MLLT10: variants seen among roughly 807,000 people sequenced by gnomAD.
MLLT10 encodes the protein MLLT10 histone lysine methyltransferase DOT1L cofactor.
MLLT10 carries 30 observed loss-of-function variants against 129.1 expected under a neutral mutation model. The observed-to-expected ratio is 0.23, with a 90% CI of 0.17 to 0.32. The LOEUF is 0.32. Ranked by LOEUF, MLLT10 falls within the 10% of genes least tolerant of loss-of-function variation. The probability of loss-of-function intolerance (pLI) is 1.00; values close to 1 mark genes in which losing one functional copy is unlikely to be tolerated. For missense variants in MLLT10, 1,119 were observed against 1,268.3 expected (o/e 0.88, Z 1.79); for synonymous variants, 490 against 446.4 (o/e 1.10, Z -1.23).
chr10:21,741,589 A>AT (rs1833640820), intron 22 of MLLT10, among the ~76,000 whole-genome samples: 1 of 152,208 alleles, frequency 6.6e-6, no homozygotes, highest in Non-Finnish European at 1.5e-5. Context: ...CAAATGTGGA[A>AT]TCACAGCCGA....
intron 8 of MLLT10, among the ~76,000 whole-genome samples, chr10:21,643,557 C>T (rs1673456960): frequency 6.6e-6 from 1 of 152,140 alleles, no homozygotes; most frequent in Admixed American, 6.5e-5. Context: ...CTTGTGTTCT[C>T]TGATTTCTTT....
chr10:21,726,955 CA>C (rs2057562074), intron 15 of MLLT10, among the ~76,000 whole-genome samples: 1 of 152,020 alleles, frequency 6.6e-6, no homozygotes, highest in Non-Finnish European at 1.5e-5. Context: ...GAATGTTCAC[CA>C]GTTGACGTTT....
In MLLT10 at chr10:21,634,452, C is replaced by G. The variant is rs1193489572; in HGVS notation, c.700-17221C>G. On this transcript the variant is annotated intron_variant, in intron 8 of 22. Coordinates refer to ENST00000307729, the MANE Select transcript of MLLT10 (RefSeq NM_001195626.3). The stretch of plus-strand genomic sequence containing the variant: ...ATATGATATTAGTTTATCCCATCAT[C>G]CGTGATACTAAATTTGATCCCTTGG... Among the ~76,000 whole-genome samples the G allele has an allele frequency of 2.6e-5, 4 of 152,204 alleles. No homozygotes were observed. In the East Asian group the frequency reaches 7.7e-4, roughly 29 times the overall value.
rs576569127 is a variant in MLLT10, at chr10:21,703,299, T to C, written c.1700-10473T>C. 8.5e-5 allele frequency among the ~76,000 whole-genome samples: 13 copies of C among 152,104 alleles called. No homozygotes were observed. The South Asian group carries it at 2.5e-3, about 29-fold the overall frequency. On this transcript the variant is annotated intron_variant, in intron 13 of 22. Coordinates refer to ENST00000307729, the MANE Select transcript of MLLT10 (RefSeq NM_001195626.3). ...TCCTTGGCTGAAAGTTTTTTTTTTTTCCTTTCAGCACTTTTGAATATATCA... is the reference window on the plus strand; with the variant it reads ...TCCTTGGCTGAAAGTTTTTTTTTTTCCCTTTCAGCACTTTTGAATATATCA...
Position 21,642,278 on chromosome 10 carries a change from G to A in MLLT10, c.700-9395G>A, listed in dbSNP as rs555458663. 3.9e-5 allele frequency among the ~76,000 whole-genome samples: 6 copies of A among 152,244 alleles called. No homozygotes were observed. The South Asian group carries it at 6.2e-4, about 16-fold the overall frequency. On this transcript the variant is annotated intron_variant, in intron 8 of 22. Transcript: ENST00000307729. ...TGAGGCAGAAGAATGGCTTGAACCCGGAGGCAGAGGTTGCAGTGAGCTGAA... is the reference window on the plus strand; with the variant it reads ...TGAGGCAGAAGAATGGCTTGAACCCAGAGGCAGAGGTTGCAGTGAGCTGAA...
chr10:21,589,897 C>T (rs1253102036), intron 4 of MLLT10, among the ~76,000 whole-genome samples: 1 of 141,494 alleles, frequency 7.1e-6, no homozygotes, highest in Non-Finnish European at 1.6e-5. Flanking sequence ...CCTTTCCTTT[C>T]CCTTTCCCTT....
chr10:21,559,125 C>A (rs2130989495), intron 3 of MLLT10, among the ~76,000 whole-genome samples: 1 of 152,238 alleles, frequency 6.6e-6, no homozygotes, highest in South Asian at 2.1e-4. Context: ...GCTGTGTCGC[C>A]CAGGCTGGAG....
chr10:21,740,286 T>G lies in MLLT10; in HGVS notation c.3162+50T>G, dbSNP rs1264867243. On this transcript the variant is annotated intron_variant, in intron 22 of 22. Transcript: ENST00000307729. ...CTAATGAAACAAGAACTGTATTGATTAATCGGAGATGATCATTTTCCAGCC... is the reference window on the plus strand; with the variant it reads ...CTAATGAAACAAGAACTGTATTGATGAATCGGAGATGATCATTTTCCAGCC... 4 of 1,555,300 alleles carry G rather than the reference T, an allele frequency of 2.6e-6. No individual in the cohort carries two copies. In the African/African-American group the frequency reaches 5.4e-5, roughly 21 times the overall value.
intron 3 of MLLT10, among the ~76,000 whole-genome samples, chr10:21,545,729 C>T (rs911651794): frequency 1.3e-5 from 2 of 152,190 alleles, no homozygotes; most frequent in African/African-American, 4.8e-5. Context: ...ATCAGTGGTG[C>T]GATTTTAGTT....
Position 21,534,625 on chromosome 10 carries a change from T to C in MLLT10, c.1-20T>C. 1.3e-6 allele frequency: 2 copies of C among 1,590,602 alleles called. No homozygotes were observed. The highest frequency in any genetic ancestry group is 1.7e-6 in the Non-Finnish European group (2 of 1,166,856). On this transcript the variant is annotated intron_variant, in intron 1 of 22. Transcript: ENST00000307729. ...TCGGCTTGCATGTGTTTTTTAATGGTCCCCCCAACTCCCTCTTAGATGGTC... is the reference window on the plus strand; with the variant it reads ...TCGGCTTGCATGTGTTTTTTAATGGCCCCCCCAACTCCCTCTTAGATGGTC...
At chr10:21,635,732 GTT>G (rs754898658) in intron 8 of MLLT10, among the ~76,000 whole-genome samples, 2 of 143,432 alleles carry the variant, frequency 1.4e-5, no homozygotes, top group Admixed American at 1.4e-4. Context: ...TTTTGTTGTT[GTT>G]TTTTTTTTTG....
At chr10:21,546,584 T>C (rs2036114892) in intron 3 of MLLT10, among the ~76,000 whole-genome samples, 1 of 149,748 alleles carries the variant, frequency 6.7e-6, no homozygotes, top group African/African-American at 2.5e-5. Context: ...TGTTTTTTTT[T>C]TTTTTGAGAC....
At chr10:21,699,112 T>C (rs931672069) in intron 13 of MLLT10, among the ~76,000 whole-genome samples, 3 of 152,150 alleles carry the variant, frequency 2.0e-5, no homozygotes, top group African/African-American at 7.2e-5. Flanking sequence ...TGACCTCAGG[T>C]GATCCACCCG....
intron 9 of MLLT10, among the ~76,000 whole-genome samples, chr10:21,665,064 G>C (rs1191123317): frequency 6.7e-6 from 1 of 149,758 alleles, no homozygotes; most frequent in South Asian, 2.1e-4. Flanking sequence ...TCCTGCCTCA[G>C]ACTTCCAAGT....
In MLLT10 at chr10:21,614,877, G is replaced by A. The variant is rs1377314729; in HGVS notation, c.556G>A (p.Asp186Asn). Residue 186 changes from aspartate (D) to asparagine (N), a missense_variant, in exon 7 of 23, where the codon GAT becomes AAT. By Grantham distance (23) the Asp-to-Asn change is conservative (BLOSUM62 1). This residue lies in a region of MLLT10 where 44 missense variants were observed against 114.3 expected (regional missense o/e 0.38). Coordinates refer to ENST00000307729, the MANE Select transcript of MLLT10 (RefSeq NM_001195626.3). The stretch of plus-strand genomic sequence containing the variant: ...TTGTGAAGAAGAAGGTAATGGTGCC[G>A]ATAATGTCCAATACTGTGGCTACTG... ...LLCEEEGNGA[D>N]NVQYCGYCKY... is the part of the protein sequence containing the mutation. The A allele has an allele frequency of 3.7e-6, 6 of 1,612,668 alleles. No individual in the cohort carries two copies. The highest frequency in any genetic ancestry group is 1.3e-5 in the African/African-American group (1 of 74,820).
chr10:21,542,431 G>T (rs1268198443), intron 3 of MLLT10, among the ~76,000 whole-genome samples: 2 of 152,128 alleles, frequency 1.3e-5, no homozygotes, highest in Non-Finnish European at 2.9e-5. Context: ...TTAGCCGGGC[G>T]TGGTAGTGAG....
chr10:21,724,273 A>C (rs191341264), intron 14 of MLLT10, among the ~76,000 whole-genome samples: 1 of 152,286 alleles, frequency 6.6e-6, no homozygotes. Flanking sequence ...AGGATGGTAC[A>C]TCCCAGAAAC....
chr10:21,552,536 C>T (rs1407844345), intron 3 of MLLT10, among the ~76,000 whole-genome samples: 2 of 151,744 alleles, frequency 1.3e-5, no homozygotes, highest in East Asian at 2.0e-4. Flanking sequence ...GGATTACAGG[C>T]GCCTGCCACC....
chr10:21,668,824 A>C (rs538267649), intron 9 of MLLT10: 4 of 967,538 alleles, frequency 4.1e-6, no homozygotes, highest in Non-Finnish European at 5.2e-6. Context: ...ACTCTACCCA[A>C]TTTTCTCTCC....
Sources: allele counts gnomAD v4.1 joint callset (sites outside exome capture counted in the v4.1 genomes callset), GRCh38; gene constraint gnomAD v4.1.1; regional missense constraint gnomAD v4.1.1; transcripts MANE v1.5; gene names NCBI Gene and HGNC (gene_info 2026-07-23, HGNC 2026-07-21).